The following SNX29 variants were observed in gnomAD, a reference collection of about 807,000 sequenced individuals.
SNX29 encodes sorting nexin 29, also known as sorting nexin-29.
Under a neutral mutation model 102.1 loss-of-function variants are expected in SNX29, and 78 were observed. The observed-to-expected ratio is 0.76, with a 90% CI of 0.64 to 0.92. The LOEUF is 0.92. Among genes scored for constraint, SNX29 ranks in the 40% least tolerant of loss-of-function variants. SNX29 has a pLI of 0.00. For missense variants in SNX29, 1,280 were observed against 1,061.7 expected (o/e 1.21, Z -2.86); for synonymous variants, 580 against 414.5 (o/e 1.40, Z -4.85).
At chr16:12,400,137 T>G (rs976550153) in intron 17 of SNX29, among the ~76,000 whole-genome samples, 1 of 152,056 alleles carries the variant, frequency 6.6e-6, no homozygotes, top group Non-Finnish European at 1.5e-5. Flanking sequence ...TCATCTACAC[T>G]AAAGCCAGAG....
Position 12,013,726 on chromosome 16 carries a change from C to T in SNX29, c.122+10683C>T, listed in dbSNP as rs551995470. Among the ~76,000 whole-genome samples, 292 of 151,100 alleles carry T rather than the reference C, an allele frequency of 1.9e-3. 2 individuals are homozygous for T. Among genetic ancestry groups the T allele is most frequent in the Non-Finnish European group, 1.6e-3 (110 of 67,862 alleles). On this transcript the variant is annotated intron_variant, in intron 3 of 20. Transcript: ENST00000566228. ...GTGGCATAATCTTGGCTCACTGCAACCTCTGCCTCCCAGGTTCAAGTGATT... is the reference window on the plus strand; with the variant it reads ...GTGGCATAATCTTGGCTCACTGCAATCTCTGCCTCCCAGGTTCAAGTGATT...
At chr16:12,476,894 G>A (rs1567603937) in intron 18 of SNX29, among the ~76,000 whole-genome samples, 2 of 152,102 alleles carry the variant, frequency 1.3e-5, no homozygotes, top group Non-Finnish European at 2.9e-5. Context: ...TTAAAGATGT[G>A]TATTGACACT....
chr16:12,415,949 A>G (rs1477838899), intron 18 of SNX29, among the ~76,000 whole-genome samples: 1 of 152,144 alleles, frequency 6.6e-6, no homozygotes, highest in Non-Finnish European at 1.5e-5. Flanking sequence ...TTCCCTGTAC[A>G]GCTCGTCCTG....
chr16:12,045,248 T>G (rs1159313177), intron 5 of SNX29, among the ~76,000 whole-genome samples: 7 of 152,218 alleles, frequency 4.6e-5, no homozygotes, highest in Admixed American at 4.6e-4. Context: ...GTCACTTCAG[T>G]GGCTAATTTT....
chr16:12,133,194 C>T (rs911038446), intron 13 of SNX29, among the ~76,000 whole-genome samples: 4 of 150,708 alleles, frequency 2.7e-5, no homozygotes, highest in Admixed American at 6.6e-5. Flanking sequence ...CTTGTACTGA[C>T]GGGGTCAGAC....
chr16:12,355,854 A>T (rs868174374), intron 15 of SNX29, among the ~76,000 whole-genome samples: 45,384 of 104,762 alleles, frequency 0.43, 10,890 homozygotes, highest in Non-Finnish European at 0.53. Flanking sequence ...AAAAAAAAAA[A>T]AAAAAAAAAA....
intron 14 of SNX29, among the ~76,000 whole-genome samples, chr16:12,211,215 A>G (rs2077174933): frequency 6.6e-6 from 1 of 152,220 alleles, no homozygotes; most frequent in Non-Finnish European, 1.5e-5. Context: ...CTTCAGGCCC[A>G]AGGAGACTCC....
intron 20 of SNX29, among the ~76,000 whole-genome samples, chr16:12,554,651 T>C (rs933690094): frequency 6.6e-6 from 1 of 152,226 alleles, no homozygotes; most frequent in Admixed American, 6.5e-5. Flanking sequence ...TTTCACCAGT[T>C]TGTGCATTTG....
chr16:11,999,334 G>C lies in SNX29; in HGVS notation c.45G>C (p.Glu15Asp). The C allele has an allele frequency of 6.2e-7, 1 of 1,614,162 alleles. No individual in the cohort carries two copies. Among genetic ancestry groups the C allele is most frequent in the Non-Finnish European group, 8.5e-7 (1 of 1,179,992 alleles). The change falls in exon 2 of 21, where the codon GAG (glutamate) becomes GAC (aspartate). Residue 15 changes from glutamate (E) to aspartate (D), a missense_variant. Physicochemically the swap from Glu to Asp is conservative, Grantham distance 45 (BLOSUM62 2). Transcript: ENST00000566228. Reference protein sequence around the residue: ...QNNDKRQFLLERLLDAVKQCQ... With the variant: ...QNNDKRQFLLDRLLDAVKQCQ... ...ATGACAAAAGACAATTTCTGCTGGA[G>C]CGACTGCTGGATGCAGTGAAACAGG...
chr16:12,150,891 G>A (rs1363038363), intron 13 of SNX29, among the ~76,000 whole-genome samples: 1 of 152,174 alleles, frequency 6.6e-6, no homozygotes, highest in East Asian at 1.9e-4. Flanking sequence ...ATGGAGGAGG[G>A]TATGAGGCCG....
chr16:12,120,094 C>T (rs532551208), intron 11 of SNX29, among the ~76,000 whole-genome samples: 2 of 152,094 alleles, frequency 1.3e-5, no homozygotes, highest in South Asian at 2.1e-4. Flanking sequence ...TTAGAATGGG[C>T]CTGAGTAATT....
intron 11 of SNX29, among the ~76,000 whole-genome samples, chr16:12,117,460 G>A (rs907327324): frequency 6.6e-6 from 1 of 152,104 alleles, no homozygotes; most frequent in African/African-American, 2.4e-5. Context: ...GTGCTTCAAC[G>A]CGGACGAACC....
chr16:12,525,691 C>G (rs1257667581), intron 20 of SNX29, among the ~76,000 whole-genome samples: 1 of 104,212 alleles, frequency 9.6e-6, no homozygotes, highest in African/African-American at 4.4e-5. Flanking sequence ...GACTCCACGC[C>G]CCCCCCACCC....
chr16:12,453,942 G>A (rs1344474315), intron 18 of SNX29, among the ~76,000 whole-genome samples: 1 of 152,108 alleles, frequency 6.6e-6, no homozygotes, highest in Non-Finnish European at 1.5e-5. Flanking sequence ...GCTGAAAATA[G>A]CCATGGGTTT....
At chr16:12,529,900 C>G (rs2076886173) in intron 20 of SNX29, among the ~76,000 whole-genome samples, 1 of 152,060 alleles carries the variant, frequency 6.6e-6, no homozygotes, top group African/African-American at 2.4e-5. Context: ...GTGGACTGGC[C>G]AGAACCTTCC....
At chr16:12,413,196 G>A (rs976217939) in intron 18 of SNX29, among the ~76,000 whole-genome samples, 9 of 152,164 alleles carry the variant, frequency 5.9e-5, no homozygotes, top group Non-Finnish European at 1.3e-4. Flanking sequence ...AATGGAGAAG[G>A]GGAATGTGAA....
At chr16:12,498,636 A>G (rs1050506070) in intron 19 of SNX29, among the ~76,000 whole-genome samples, 1 of 152,198 alleles carries the variant, frequency 6.6e-6, no homozygotes, top group Admixed American at 6.5e-5. Context: ...TTTGAGTGGG[A>G]AGGAGAACAG....
intron 11 of SNX29, among the ~76,000 whole-genome samples, chr16:12,125,855 T>C (rs1387022321): frequency 6.6e-6 from 1 of 152,012 alleles, no homozygotes; most frequent in Non-Finnish European, 1.5e-5. Context: ...AATTTCCTCC[T>C]GGAATATAAC....
chr16:12,456,757 T>C (rs1168662462), intron 18 of SNX29, among the ~76,000 whole-genome samples: 1 of 152,156 alleles, frequency 6.6e-6, no homozygotes, highest in African/African-American at 2.4e-5. Flanking sequence ...TGTGTGAAAT[T>C]GCCTCCTTTC....
Sources: allele counts gnomAD v4.1 joint callset (sites outside exome capture counted in the v4.1 genomes callset), GRCh38; gene constraint gnomAD v4.1.1; transcripts MANE v1.5; gene names NCBI Gene and HGNC (gene_info 2026-07-23, HGNC 2026-07-21).